Variants in ZNF609 observed in about 807,000 individuals in gnomAD.
ZNF609 encodes zinc finger protein 609.
Under a neutral mutation model 109.5 loss-of-function variants are expected in ZNF609, and 11 were observed. The observed-to-expected ratio is 0.10, with a 90% CI of 0.06 to 0.17. The LOEUF (loss-of-function observed/expected upper bound fraction) is 0.17, where lower values mean the gene tolerates loss of function less well. Among genes scored for constraint, ZNF609 ranks in the 10% least tolerant of loss-of-function variants. The pLI is 1.00. For missense variants in ZNF609, 1,559 were observed against 1,772.4 expected (o/e 0.88, Z 2.16); for synonymous variants, 646 against 662.0 (o/e 0.98, Z 0.37).
At chr15:64,535,375 T>C (rs1325996949) in intron 2 of ZNF609, among the ~76,000 whole-genome samples, 1 of 152,214 alleles carries the variant, frequency 6.6e-6, no homozygotes, top group Admixed American at 6.5e-5. Context: ...GTACCATATG[T>C]AACCTTCTGG....
chr15:64,623,896 A>C (rs1393092975), intron 3 of ZNF609, among the ~76,000 whole-genome samples: 1 of 152,138 alleles, frequency 6.6e-6, no homozygotes, highest in Non-Finnish European at 1.5e-5. Context: ...CAGTCCCATC[A>C]TGTCTCTGCA....
At chr15:64,609,148 T>TC (rs1895673579) in intron 2 of ZNF609, among the ~76,000 whole-genome samples, 3 of 137,614 alleles carry the variant, frequency 2.2e-5, no homozygotes, top group Non-Finnish European at 4.8e-5. Context: ...TTCTTTTTTT[T>TC]CTCTCTCTCT....
intron 2 of ZNF609, among the ~76,000 whole-genome samples, chr15:64,575,141 C>CAAAAA (rs974267402): frequency 6.6e-6 from 1 of 152,158 alleles, no homozygotes; most frequent in African/African-American, 2.4e-5. Flanking sequence ...GTGAAAGAGT[C>CAAAAA]AAAACCAAAT....
At chr15:64,530,624 C>T (rs1894046911) in intron 2 of ZNF609, among the ~76,000 whole-genome samples, 2 of 152,162 alleles carry the variant, frequency 1.3e-5, no homozygotes, top group South Asian at 2.1e-4. Flanking sequence ...CCATTCTTAG[C>T]ATCTTAAGGG....
intron 2 of ZNF609, among the ~76,000 whole-genome samples, chr15:64,600,599 G>T (rs1473693281): frequency 7.1e-6 from 1 of 140,070 alleles, no homozygotes; most frequent in African/African-American, 2.6e-5. Context: ...TTGTGCCACT[G>T]TACCCCAGCT....
Position 64,676,267 on chromosome 15 carries a change from CCCT to C in ZNF609, c.3402+12_3402+14del. The C allele has an allele frequency of 6.3e-7, 1 of 1,584,574 alleles. No individual in the cohort carries two copies. On this transcript the variant is annotated intron_variant, in intron 5 of 9. Transcript: ENST00000326648. ...CTCTGGTACCGACAGGTAACTGTTGCCCTGGGAGGAAGTGGAAATACCGTATGG... is the reference window on the plus strand; with the variant it reads ...CTCTGGTACCGACAGGTAACTGTTGCGGGAGGAAGTGGAAATACCGTATGG...
intron 1 of ZNF609, among the ~76,000 whole-genome samples, chr15:64,467,588 T>A (rs1246082581): frequency 6.6e-6 from 1 of 152,220 alleles, no homozygotes; most frequent in Non-Finnish European, 1.5e-5. Flanking sequence ...GGCTTACGCC[T>A]CTAATCTAAG....
chr15:64,633,435 C>G (rs1896117284), intron 3 of ZNF609, among the ~76,000 whole-genome samples: 1 of 152,150 alleles, frequency 6.6e-6, no homozygotes, highest in Non-Finnish European at 1.5e-5. Flanking sequence ...GCGTGAACCA[C>G]TACACCTGGC....
intron 2 of ZNF609, among the ~76,000 whole-genome samples, chr15:64,561,695 C>T (rs1191703615): frequency 6.6e-6 from 1 of 151,788 alleles, no homozygotes; most frequent in African/African-American, 2.4e-5. Flanking sequence ...CATGCCTGGG[C>T]AGTCTCATAA....
intron 3 of ZNF609, among the ~76,000 whole-genome samples, chr15:64,643,449 G>T (rs531164913): frequency 6.6e-6 from 1 of 152,238 alleles, no homozygotes; most frequent in African/African-American, 2.4e-5. Flanking sequence ...CCGAACATCA[G>T]TAAACAAATA....
At position 64,488,918 on chromosome 15, in the gene ZNF609, G is replaced by A. The variant is rs496851; in HGVS notation, c.-127-10375G>A. On this transcript the variant is annotated intron_variant, in intron 1 of 9. Transcript: ENST00000326648. ...AGAGACTTTGTTTCTACAAAAAAAA[G>A]AAAGAAAGAAAGAAAGAAAGAAAGA... Among the ~76,000 whole-genome samples, 63 of 2,042 alleles carry A rather than the reference G, an allele frequency of 0.031. 9 individuals carry two copies. In the East Asian group the frequency reaches 0.75, roughly 24 times the overall value. The allele number at this position is 2,042 out of a possible 152,430, so 1.3% of individuals were successfully genotyped here. A position where few individuals can be genotyped will look rare whatever the true frequency, so the allele number is the denominator to read the frequency against.
In ZNF609 at chr15:64,471,585, G is replaced by GT. The variant is rs1180420916; in HGVS notation, c.-128+10755dup. ...TAGAAATATAAGTAGTTTGTTTTTT[G>GT]TTTTTTTTGTCCCCCCAAGATGGAG... On this transcript the variant is annotated intron_variant, in intron 1 of 9. Coordinates refer to ENST00000326648, the MANE Select transcript of ZNF609 (RefSeq NM_015042.2). Among the ~76,000 whole-genome samples, 10 of 151,570 alleles carry GT rather than the reference G, an allele frequency of 6.6e-5. No individual in the cohort carries two copies. In the East Asian group the frequency reaches 1.2e-3, roughly 18 times the overall value.
chr15:64,642,871 A>C (rs1023560664), intron 3 of ZNF609, among the ~76,000 whole-genome samples: 3 of 152,150 alleles, frequency 2.0e-5, no homozygotes, highest in Admixed American at 1.3e-4. Flanking sequence ...GATAACAACT[A>C]TGCACCAATT....
intron 2 of ZNF609, among the ~76,000 whole-genome samples, chr15:64,617,186 TTTTG>T (rs1303573081): frequency 6.6e-6 from 1 of 151,752 alleles, no homozygotes; most frequent in African/African-American, 2.4e-5. Context: ...TCTACAAAGT[TTTTG>T]TTTTTGTTTT....
rs34816803 is a variant in ZNF609 at position 64,579,709 on chromosome 15, C to CAA, written c.748-43107_748-43106dup. On this transcript the variant is annotated intron_variant, in intron 2 of 9. Coordinates refer to ENST00000326648, the MANE Select transcript of ZNF609 (RefSeq NM_015042.2). Reference sequence around the variant, plus strand: ...TGGGCGACACAGGAAAACAAACAAACAAAAAAAAAAAACTTGTGTTTTTGT... The same window carrying CAA: ...TGGGCGACACAGGAAAACAAACAAACAAAAAAAAAAAAAACTTGTGTTTTTGT... Among the ~76,000 whole-genome samples, 359 of 146,634 alleles carry CAA rather than the reference C, an allele frequency of 2.4e-3. 1 individual carries two copies. Among genetic ancestry groups the CAA allele is most frequent in the East Asian group, 6.3e-3 (32 of 5,046 alleles).
At chr15:64,627,977 T>C (rs1039022655) in intron 3 of ZNF609, among the ~76,000 whole-genome samples, 2 of 149,508 alleles carry the variant, frequency 1.3e-5, no homozygotes, top group African/African-American at 4.9e-5. Context: ...TCTTAAGTTA[T>C]AAAAATCTAT....
intron 1 of ZNF609, among the ~76,000 whole-genome samples, chr15:64,496,617 TTGC>T (rs1366184214): frequency 1.3e-5 from 2 of 152,238 alleles, no homozygotes; most frequent in Non-Finnish European, 2.9e-5. Flanking sequence ...ACTGTCTTAC[TTGC>T]TGCTGTATTT....
At chr15:64,616,919 A>T (rs1301251326) in intron 2 of ZNF609, among the ~76,000 whole-genome samples, 1 of 136,026 alleles carries the variant, frequency 7.4e-6, no homozygotes, top group Non-Finnish European at 1.5e-5. Context: ...GGTGATTCTC[A>T]TGCCTCAGTC....
chr15:64,548,248 C>T (rs1020242317), intron 2 of ZNF609, among the ~76,000 whole-genome samples: 1 of 152,186 alleles, frequency 6.6e-6, no homozygotes, highest in South Asian at 2.1e-4. Flanking sequence ...TGCATAATTT[C>T]TCATTTTACC....
Sources: gnomAD v4.1 joint callset for allele counts (sites outside exome capture counted in the v4.1 genomes callset) on GRCh38, gnomAD v4.1.1 for gene constraint, MANE v1.5 for transcripts, NCBI Gene and HGNC (gene_info 2026-07-23, HGNC 2026-07-21) for gene names.